DOCK8: variants seen among roughly 807,000 people sequenced by gnomAD.
DOCK8 encodes dedicator of cytokinesis protein 8.
Under a neutral mutation model 245.6 loss-of-function variants are expected in DOCK8, and 141 were observed. The ratio of observed to expected loss-of-function variants is 0.57; its 90% CI spans 0.50 to 0.66. The LOEUF is 0.66. Ranked by LOEUF, DOCK8 falls within the 30% of genes least tolerant of loss-of-function variation. The probability of loss-of-function intolerance (pLI) is 0.00; values close to 1 mark genes in which losing one functional copy is unlikely to be tolerated. For synonymous variants in DOCK8, 1,168 were observed against 970.2 expected, an observed-to-expected ratio of 1.20 and a Z score of -3.79; for missense variants, 2,965 against 2,603.4, an observed-to-expected ratio of 1.14 and a Z score of -3.02.
intron 28 of DOCK8, among the ~76,000 whole-genome samples, chr9:410,768 C>T (rs966687763): frequency 1.3e-5 from 2 of 152,138 alleles, no homozygotes; most frequent in African/African-American, 2.4e-5. Context: ...TCACGGAAAT[C>T]CGCAAGATGA....
upstream of DOCK8, chr9:214,541 C>G (rs1244937680): frequency 6.2e-7 from 1 of 1,613,566 alleles, no homozygotes; most frequent in Non-Finnish European, 8.5e-7. Context: ...CCGACCTCGC[C>G]AGCTTTGTGG....
chr9:451,009 T>C (rs2057413144), intron 45 of DOCK8, among the ~76,000 whole-genome samples: 2 of 152,096 alleles, frequency 1.3e-5, no homozygotes, highest in South Asian at 4.2e-4. Flanking sequence ...TAGTAGTATT[T>C]GATTGATAAA....
chr9:244,727 C>T (rs2047465517), intron 1 of DOCK8, among the ~76,000 whole-genome samples: 1 of 151,744 alleles, frequency 6.6e-6, no homozygotes, highest in Non-Finnish European at 1.5e-5. Flanking sequence ...TTCCATCACA[C>T]TTCACAGATC....
intron 7 of DOCK8, among the ~76,000 whole-genome samples, chr9:324,063 T>C (rs2050643365): frequency 6.6e-6 from 1 of 152,238 alleles, no homozygotes; most frequent in Non-Finnish European, 1.5e-5. Context: ...TACCTTATTT[T>C]GCAGATAAAT....
intron 4 of DOCK8, among the ~76,000 whole-genome samples, chr9:298,974 A>G (rs1014576001): frequency 1.3e-5 from 2 of 151,902 alleles, no homozygotes; most frequent in Non-Finnish European, 2.9e-5. Flanking sequence ...TTTCAATGTT[A>G]GGATAAATTA....
At chr9:384,840 C>T (rs1376024389) in intron 22 of DOCK8, among the ~76,000 whole-genome samples, 2 of 152,058 alleles carry the variant, frequency 1.3e-5, no homozygotes, top group African/African-American at 2.4e-5. Flanking sequence ...GGCGTGAACC[C>T]GGGAGGCGGA....
chr9:388,553 ATT>A (rs756868705), intron 23 of DOCK8, among the ~76,000 whole-genome samples: 6 of 144,672 alleles, frequency 4.1e-5, no homozygotes, highest in East Asian at 4.0e-4. Context: ...TCTGTGGGTA[ATT>A]TTTTTTTTTT....
chr9:236,095 C>G (rs954521370), intron 1 of DOCK8, among the ~76,000 whole-genome samples: 1 of 152,182 alleles, frequency 6.6e-6, no homozygotes, highest in Non-Finnish European at 1.5e-5. Flanking sequence ...GTGGTTGGCC[C>G]TGCAGGCTTG....
At chr9:444,536 C>T (rs190578611) in intron 43 of DOCK8, among the ~76,000 whole-genome samples, 12 of 152,088 alleles carry the variant, frequency 7.9e-5, no homozygotes, top group East Asian at 5.8e-4. Context: ...CAGGAAGCTC[C>T]GCCAAGTCTC....
chr9:224,044 G>A (rs2046939188), intron 1 of DOCK8, among the ~76,000 whole-genome samples: 1 of 152,134 alleles, frequency 6.6e-6, no homozygotes, highest in Admixed American at 6.6e-5. Context: ...TGATTTTTAG[G>A]TACCTTGTCA....
At chr9:312,469 C>G (rs758965352) in intron 6 of DOCK8, 22 of 517,940 alleles carry the variant, frequency 4.2e-5, no homozygotes, top group Non-Finnish European at 7.5e-5. Flanking sequence ...ATGTAGTAAT[C>G]ACACCCAGCA....
chr9:244,940 G>T (rs2047471651), intron 1 of DOCK8, among the ~76,000 whole-genome samples: 1 of 152,164 alleles, frequency 6.6e-6, no homozygotes, highest in Non-Finnish European at 1.5e-5. Flanking sequence ...GGGAATTCAT[G>T]AAGAGACTCT....
At chr9:326,776 A>C (rs1225177436) in intron 8 of DOCK8, among the ~76,000 whole-genome samples, 1 of 152,206 alleles carries the variant, frequency 6.6e-6, no homozygotes, top group African/African-American at 2.4e-5. Context: ...CCTGAAGAAG[A>C]GAAAAGAAGG....
rs79241086 is a variant in DOCK8 at position 457,898 on chromosome 9, C to G, written c.6069-5619C>G. 6.0e-3 allele frequency among the ~76,000 whole-genome samples: 911 copies of G among 152,234 alleles called. 10 individuals are homozygous for G. The highest frequency in any genetic ancestry group is 0.03 in the Admixed American group (459 of 15,282). ...ATTTATGAGGTAGGCTCTTATCACCCACACATCACAGATGAAGAAACTATG... is the reference window on the plus strand; with the variant it reads ...ATTTATGAGGTAGGCTCTTATCACCGACACATCACAGATGAAGAAACTATG... On this transcript the variant is annotated intron_variant, in intron 46 of 47. Coordinates refer to ENST00000432829, the MANE Select transcript of DOCK8 (RefSeq NM_203447.4).
At chr9:365,018 A>G (rs1308661536) in intron 14 of DOCK8, among the ~76,000 whole-genome samples, 3 of 152,192 alleles carry the variant, frequency 2.0e-5, no homozygotes, top group Non-Finnish European at 1.5e-5. Flanking sequence ...GAAGGAAGGA[A>G]TAAGTTTGGA....
chr9:279,203 G>T (rs1379435503), intron 2 of DOCK8, among the ~76,000 whole-genome samples: 2 of 152,204 alleles, frequency 1.3e-5, no homozygotes, highest in Non-Finnish European at 2.9e-5. Context: ...AAGTGTGGAG[G>T]TATGGAAGGT....
At chr9:354,714 T>C (rs1167288576) in intron 14 of DOCK8, among the ~76,000 whole-genome samples, 1 of 152,156 alleles carries the variant, frequency 6.6e-6, no homozygotes, top group Admixed American at 6.5e-5. Flanking sequence ...GCTGAGGGCG[T>C]CGGTTCCTCA....
chr9:274,900 A>G (rs1256199184), intron 2 of DOCK8, among the ~76,000 whole-genome samples: 1 of 152,212 alleles, frequency 6.6e-6, no homozygotes, highest in African/African-American at 2.4e-5. Context: ...CACCATTTCA[A>G]TGGCCCACTT....
rs1364354571 is a variant in DOCK8 at position 399,279 on chromosome 9, C to CT, written c.3234+20_3234+21insT. The stretch of plus-strand genomic sequence containing the variant: ...AGCCAGGTGAGTGTCCCCCCCACCC[C>CT]CACCCCCGAGCGAGCCACTTGGTTC... On this transcript the variant is annotated intron_variant, in intron 26 of 47. Coordinates refer to ENST00000432829, the MANE Select transcript of DOCK8 (RefSeq NM_203447.4). The CT allele has an allele frequency of 4.0e-6, 6 of 1,511,392 alleles. No homozygotes were observed. The African/African-American group carries it at 6.1e-5, about 15-fold the overall frequency. 93.6% of individuals were successfully genotyped at this position (1,511,392 alleles called of 1,614,324 possible). A position where few individuals can be genotyped will look rare whatever the true frequency, so the allele number is the denominator to read the frequency against.
Sources: allele counts gnomAD v4.1 joint callset (sites outside exome capture counted in the v4.1 genomes callset), GRCh38; gene constraint gnomAD v4.1.1; transcripts MANE v1.5; gene names NCBI Gene and HGNC (gene_info 2026-07-23, HGNC 2026-07-21).